Variants in PTPRD observed in about 807,000 individuals in gnomAD.
PTPRD encodes the protein receptor-type tyrosine-protein phosphatase delta.
In PTPRD, 34 loss-of-function variants were observed where a neutral mutation model predicts 214.5. The observed-to-expected ratio is 0.16, with a 90% CI of 0.12 to 0.21. The LOEUF (loss-of-function observed/expected upper bound fraction) is 0.21, where lower values mean the gene tolerates loss of function less well. Ranked by LOEUF, PTPRD falls within the 10% of genes least tolerant of loss-of-function variation. The pLI is 1.00. For synonymous variants in PTPRD, 1,128 were observed against 845.7 expected, an observed-to-expected ratio of 1.33 and a Z score of -5.79; for missense variants, 2,545 against 2,398.7, an observed-to-expected ratio of 1.06 and a Z score of -1.27.
intron 8 of PTPRD, among the ~76,000 whole-genome samples, chr9:9,502,270 C>G (rs112937757): frequency 6.6e-6 from 1 of 151,868 alleles, no homozygotes; most frequent in Non-Finnish European, 1.5e-5. Context: ...ATATCTCCCC[C>G]TTTCTCCCTC....
At chr9:8,847,290 GTATT>G (rs33939599) in intron 11 of PTPRD, among the ~76,000 whole-genome samples, 54,122 of 151,536 alleles carry the variant, frequency 0.36, 12,804 homozygotes, top group African/African-American at 0.68. Flanking sequence ...ATACATAACA[GTATT>G]TATTAAACTT....
At chr9:9,046,179 T>G (rs1029292838) in intron 10 of PTPRD, among the ~76,000 whole-genome samples, 3 of 152,234 alleles carry the variant, frequency 2.0e-5, no homozygotes, top group African/African-American at 7.2e-5. Context: ...ATTGCTTGAA[T>G]GCACACTTCA....
chr9:9,651,336 T>C (rs1594241870), intron 7 of PTPRD, among the ~76,000 whole-genome samples: 5 of 152,306 alleles, frequency 3.3e-5, no homozygotes, highest in Admixed American at 3.3e-4. Flanking sequence ...ATTATTTCAC[T>C]ACCCAGTTAT....
chr9:9,765,332 T>C (rs1464935045), intron 6 of PTPRD, among the ~76,000 whole-genome samples: 1 of 152,180 alleles, frequency 6.6e-6, no homozygotes, highest in Non-Finnish European at 1.5e-5. Flanking sequence ...ATAACCGTAT[T>C]TCCCCAAGCA....
chr9:8,395,652 G>A (rs1040615523), intron 36 of PTPRD, among the ~76,000 whole-genome samples: 4 of 151,816 alleles, frequency 2.6e-5, no homozygotes, highest in Non-Finnish European at 4.4e-5. Flanking sequence ...TTAAAAGCAT[G>A]CCTGTTCTGT....
chr9:8,457,927 C>T (rs2096263812), intron 33 of PTPRD, among the ~76,000 whole-genome samples: 1 of 152,082 alleles, frequency 6.6e-6, no homozygotes, highest in Non-Finnish European at 1.5e-5. Flanking sequence ...ATAAAAGACA[C>T]TATTCATTGG....
chr9:9,683,188 G>A (rs2097106385), intron 7 of PTPRD, among the ~76,000 whole-genome samples: 1 of 151,734 alleles, frequency 6.6e-6, no homozygotes, highest in Non-Finnish European at 1.5e-5. Context: ...CTGAAATTAT[G>A]ACAGTTATAT....
intron 9 of PTPRD, among the ~76,000 whole-genome samples, chr9:9,347,606 T>C (rs916863307): frequency 6.6e-6 from 1 of 152,066 alleles, no homozygotes; most frequent in Non-Finnish European, 1.5e-5. Context: ...AACAAGGCAA[T>C]ATCCATGCAG....
intron 10 of PTPRD, chr9:9,090,986 T>C (rs1002346837): frequency 1.9e-6 from 3 of 1,575,378 alleles, no homozygotes; most frequent in Non-Finnish European, 8.6e-7. Flanking sequence ...GCCCGATGCA[T>C]GCCCAAGGAC....
chr9:8,563,240 G>A (rs2087198384), intron 14 of PTPRD, among the ~76,000 whole-genome samples: 1 of 152,144 alleles, frequency 6.6e-6, no homozygotes, highest in Admixed American at 6.5e-5. Context: ...TGAGGCTACA[G>A]TACAGACAGC....
intron 2 of PTPRD, among the ~76,000 whole-genome samples, chr9:10,389,494 T>A (rs187639199): frequency 7.2e-5 from 11 of 151,994 alleles, no homozygotes; most frequent in Admixed American, 2.0e-4. Flanking sequence ...CCTGTAACTG[T>A]TCCCTTTGTT....
At chr9:8,497,863 G>A (rs1477494368) in intron 25 of PTPRD, among the ~76,000 whole-genome samples, 1 of 152,178 alleles carries the variant, frequency 6.6e-6, no homozygotes, top group Non-Finnish European at 1.5e-5. Context: ...ACTAGGGAGA[G>A]AATTACAGTT....
chr9:9,827,666 T>C (rs923237602), intron 5 of PTPRD, among the ~76,000 whole-genome samples: 2 of 152,086 alleles, frequency 1.3e-5, no homozygotes, highest in Non-Finnish European at 2.9e-5. Flanking sequence ...CGGGATCTAA[T>C]TAAACTAAAG....
At chr9:10,451,419 T>C (rs1438800173) in intron 2 of PTPRD, among the ~76,000 whole-genome samples, 1 of 151,852 alleles carries the variant, frequency 6.6e-6, no homozygotes, top group Non-Finnish European at 1.5e-5. Flanking sequence ...GGCTTTTTCT[T>C]TTTTAATACT....
intron 11 of PTPRD, among the ~76,000 whole-genome samples, chr9:8,836,070 A>G (rs1210448743): frequency 6.6e-6 from 1 of 152,190 alleles, no homozygotes; most frequent in Non-Finnish European, 1.5e-5. Flanking sequence ...CATAAATTTC[A>G]GAGCAACATC....
At chr9:9,573,869 T>C (rs189587887) in intron 8 of PTPRD, among the ~76,000 whole-genome samples, 199 of 151,918 alleles carry the variant, frequency 1.3e-3, no homozygotes, top group African/African-American at 4.6e-3. Context: ...TCTACGATCA[T>C]TTTAAAACAT....
intron 8 of PTPRD, among the ~76,000 whole-genome samples, chr9:9,459,730 G>C (rs1373866045): frequency 4.6e-5 from 7 of 152,092 alleles, no homozygotes; most frequent in Non-Finnish European, 8.8e-5. Context: ...CCATGCTCAT[G>C]AATAGGAATA....
At chr9:10,184,868 T>C (rs2099321780) in intron 3 of PTPRD, among the ~76,000 whole-genome samples, 1 of 152,202 alleles carries the variant, frequency 6.6e-6, no homozygotes, top group African/African-American at 2.4e-5. Flanking sequence ...TAATTGGCAG[T>C]GAGTTTTTTT....
chr9:10,013,942 T>A (rs1354257893), intron 4 of PTPRD, among the ~76,000 whole-genome samples: 2 of 151,940 alleles, frequency 1.3e-5, no homozygotes, highest in African/African-American at 4.8e-5. Flanking sequence ...CTTAATAGCA[T>A]TGAATGAAAC....
Sources: gnomAD v4.1 joint callset for allele counts (sites outside exome capture counted in the v4.1 genomes callset) on GRCh38, gnomAD v4.1.1 for gene constraint, MANE v1.5 for transcripts, NCBI Gene and HGNC (gene_info 2026-07-23, HGNC 2026-07-21) for gene names.